Variants in PIP4K2A observed in about 807,000 individuals in gnomAD.
The protein encoded by PIP4K2A is phosphatidylinositol-5-phosphate 4-kinase type 2 alpha.
In PIP4K2A, 14 loss-of-function variants were observed where a neutral mutation model predicts 42.9. The observed-to-expected ratio is 0.33, with a 90% CI of 0.22 to 0.51. The LOEUF (loss-of-function observed/expected upper bound fraction) is 0.51. PIP4K2A is among the 20% of genes least tolerant of loss of function. The pLI is 0.97. For missense variants in PIP4K2A, 434 were observed against 519.8 expected (o/e 0.83, Z 1.61); for synonymous variants, 192 against 192.2 (o/e 1.00, Z 0.01).
At chr10:22,581,244 G>A (rs72816827) in intron 4 of PIP4K2A, among the ~76,000 whole-genome samples, 96 of 150,182 alleles carry the variant, frequency 6.4e-4, no homozygotes, top group Non-Finnish European at 1.1e-3. Context: ...TAAGCCCTCC[G>A]CTCACATCAA....
chr10:22,549,437 T>A (rs1836343816), intron 7 of PIP4K2A, among the ~76,000 whole-genome samples: 1 of 152,018 alleles, frequency 6.6e-6, no homozygotes, highest in Non-Finnish European at 1.5e-5. Context: ...TGGTGTGCCA[T>A]GAAGTGTACA....
At chr10:22,689,445 A>C (rs965272393) in intron 1 of PIP4K2A, among the ~76,000 whole-genome samples, 2 of 152,198 alleles carry the variant, frequency 1.3e-5, no homozygotes, top group African/African-American at 4.8e-5. Flanking sequence ...GAACATGTAC[A>C]GACTTTTTTT....
chr10:22,652,139 A>T (rs998843540), intron 1 of PIP4K2A, among the ~76,000 whole-genome samples: 1 of 150,214 alleles, frequency 6.7e-6, no homozygotes, highest in South Asian at 2.1e-4. Context: ...TTTTTTTGAG[A>T]CAGACTCTTA....
intron 4 of PIP4K2A, among the ~76,000 whole-genome samples, chr10:22,585,775 T>C (rs1837379947): frequency 6.6e-6 from 1 of 152,158 alleles, no homozygotes; most frequent in Admixed American, 6.5e-5. Context: ...TTTGTAGTTT[T>C]AGTAGAGACC....
At chr10:22,689,076 G>A (rs1031750316) in intron 1 of PIP4K2A, among the ~76,000 whole-genome samples, 1 of 152,142 alleles carries the variant, frequency 6.6e-6, no homozygotes, top group South Asian at 2.1e-4. Flanking sequence ...TCTTCGAGGA[G>A]CACAAGGGTG....
rs141162019 is a variant in PIP4K2A at position 22,589,949 on chromosome 10, C to T, written c.492+1680G>A. ...TCCCCCAAAATGCTTACGTTGAAAC[C>T]CTAATCCCCAAGTGATGGTATTAGG... On this transcript the variant is annotated intron_variant, in intron 4 of 9. Coordinates refer to ENST00000376573, the MANE Select transcript of PIP4K2A (RefSeq NM_005028.5). 3.6e-3 allele frequency among the ~76,000 whole-genome samples: 541 copies of T among 152,252 alleles called. 1 individual carries two copies. Among genetic ancestry groups the T allele is most frequent in the African/African-American group, 0.013 (529 of 41,540 alleles).
At chr10:22,557,978 C>A (rs188700410) in intron 6 of PIP4K2A, among the ~76,000 whole-genome samples, 5 of 152,260 alleles carry the variant, frequency 3.3e-5, no homozygotes, top group African/African-American at 1.2e-4. Flanking sequence ...AAGGATAATA[C>A]ATATCATAGT....
Position 22,536,279 on chromosome 10 carries a change from A to G in PIP4K2A, c.*922T>C, listed in dbSNP as rs1445995042. The G allele has an allele frequency of 5.3e-5, 21 of 396,154 alleles. No homozygotes were observed. The highest frequency in any genetic ancestry group is 4.4e-4 in the Admixed American group (10 of 22,638). 24.5% of individuals were successfully genotyped at this position (396,154 alleles called of 1,614,324 possible). A position where few individuals can be genotyped will look rare whatever the true frequency, so the allele number is the denominator to read the frequency against. ...GGGAGATGTAGATACCATTGCCCCA[A>G]ACTATGCACTTTTCAGGTAAGCTTT... is the stretch of plus-strand genomic sequence containing the variant. On this transcript the variant is annotated 3_prime_UTR_variant, in exon 10 of 10. Transcript: ENST00000376573.
intron 5 of PIP4K2A, among the ~76,000 whole-genome samples, chr10:22,572,551 G>C (rs561371779): frequency 4.3e-4 from 65 of 152,020 alleles, no homozygotes; most frequent in African/African-American, 1.6e-3. Context: ...GTTGCCATGA[G>C]CCAAGATTGA....
At chr10:22,686,614 C>G (rs1564467494) in intron 1 of PIP4K2A, among the ~76,000 whole-genome samples, 2 of 152,240 alleles carry the variant, frequency 1.3e-5, no homozygotes, top group Non-Finnish European at 1.5e-5. Flanking sequence ...AGACCACAGG[C>G]ATACACCAAC....
chr10:22,626,783 C>T (rs1750764), intron 1 of PIP4K2A, among the ~76,000 whole-genome samples: 8,920 of 152,158 alleles, frequency 0.059, 428 homozygotes, highest in African/African-American at 0.13. Flanking sequence ...TATATTTAGA[C>T]GCATGTATAC....
intron 1 of PIP4K2A, among the ~76,000 whole-genome samples, chr10:22,690,354 A>G (rs1380868107): frequency 6.6e-6 from 1 of 152,214 alleles, no homozygotes; most frequent in Admixed American, 6.5e-5. Flanking sequence ...CTCAGGCACT[A>G]TGCTACACTC....
chr10:22,573,087 G>A (rs1837027965), intron 5 of PIP4K2A, among the ~76,000 whole-genome samples: 1 of 152,222 alleles, frequency 6.6e-6, no homozygotes, highest in African/African-American at 2.4e-5. Flanking sequence ...CTGGTATGCA[G>A]TTGGCTGAAT....
At position 22,536,490 on chromosome 10, in the gene PIP4K2A, C is replaced by G. The variant is rs1317488347; in HGVS notation, c.*711G>C. On this transcript the variant is annotated 3_prime_UTR_variant, in exon 10 of 10. Coordinates refer to ENST00000376573, the MANE Select transcript of PIP4K2A (RefSeq NM_005028.5). ...TGGGGGCTCTGGACACCAGGGGGTC[C>G]TGACAAGGCTGGGGCCAGAACCCTG... 2 of 181,226 alleles carry G rather than the reference C, an allele frequency of 1.1e-5. No homozygotes were observed. Among genetic ancestry groups the G allele is most frequent in the Non-Finnish European group, 2.3e-5 (2 of 87,904 alleles). 11.2% of individuals were successfully genotyped at this position (181,226 alleles called of 1,614,324 possible).
chr10:22,705,426 TAAAAAAAAAAAAAAAA>T (rs150254345), intron 1 of PIP4K2A, among the ~76,000 whole-genome samples: 446 of 29,280 alleles, frequency 0.015, 14 homozygotes, highest in African/African-American at 0.059. Flanking sequence ...GTACCCCAGT[TAAAAAAAAAAAAAAAA>T]AAAAAAAAAA....
Position 22,567,860 on chromosome 10 carries a change from G to C in PIP4K2A, c.669C>G (p.Asp223Glu). Residue 223 changes from aspartate (D) to glutamate (E), a missense_variant, in exon 6 of 10, where the codon GAC becomes GAG. Physicochemically the swap from Asp to Glu is conservative, Grantham distance 45. Around this residue, in one of 2 missense-constraint regions of PIP4K2A, gnomAD observed 395 missense variants for 444.5 expected, o/e 0.89. Transcript: ENST00000376573. Reference sequence around the variant, plus strand: ...ACAGCAAGGTACTTACCTTTTCTTTGTCACTAGCTTCTCTAGCCACTGTAG... The same window carrying C: ...ACAGCAAGGTACTTACCTTTTCTTTCTCACTAGCTTCTCTAGCCACTGTAG... ...KGSTVAREAS[D>E]KEKAKELPTL... 2.5e-6 allele frequency: 4 copies of C among 1,613,630 alleles called. No homozygotes were observed. The highest frequency in any genetic ancestry group is 3.4e-6 in the Non-Finnish European group (4 of 1,179,534).
Position 22,666,760 on chromosome 10 carries a change from A to G in PIP4K2A, c.144+47423T>C, listed in dbSNP as rs140566399. On this transcript the variant is annotated intron_variant, in intron 1 of 9. Coordinates refer to ENST00000376573, the MANE Select transcript of PIP4K2A (RefSeq NM_005028.5). ...CAGCACTCTCCCAGTAGTCACTTGC[A>G]TTTGATAAGCCCTACTACCCCTTTG... is the stretch of plus-strand genomic sequence containing the variant. Among the ~76,000 whole-genome samples, 1,356 of 152,282 alleles carry G rather than the reference A, an allele frequency of 8.9e-3. 15 individuals are homozygous for G. The highest frequency in any genetic ancestry group is 0.02 in the Middle Eastern group (6 of 294).
chr10:22,618,177 A>G (rs1262261164), intron 1 of PIP4K2A, among the ~76,000 whole-genome samples: 1 of 152,234 alleles, frequency 6.6e-6, no homozygotes, highest in African/African-American at 2.4e-5. Context: ...GTTCAACATT[A>G]CAGATAAAAA....
intron 3 of PIP4K2A, among the ~76,000 whole-genome samples, chr10:22,594,998 A>G (rs1025022685): frequency 6.6e-6 from 1 of 152,256 alleles, no homozygotes; most frequent in Non-Finnish European, 1.5e-5. Flanking sequence ...TAACCAATGA[A>G]GTTAGGAACA....
Sources: gnomAD v4.1 joint callset for allele counts (sites outside exome capture counted in the v4.1 genomes callset) on GRCh38, gnomAD v4.1.1 for gene constraint, gnomAD v4.1.1 regional missense constraint, MANE v1.5 for transcripts, NCBI Gene and HGNC (gene_info 2026-07-23, HGNC 2026-07-21) for gene names.